Variants in DAB1 observed in about 807,000 individuals in gnomAD.
The protein encoded by DAB1 is DAB adaptor protein 1, also known as disabled homolog 1.
DAB1 carries 15 observed loss-of-function variants against 64.6 expected under a neutral mutation model. The observed-to-expected ratio is 0.23, with a 90% CI of 0.16 to 0.36. DAB1 has a LOEUF of 0.36. DAB1 is among the 10% of genes least tolerant of loss of function. The probability of loss-of-function intolerance (pLI) is 1.00; values close to 1 mark genes in which losing one functional copy is unlikely to be tolerated. For synonymous variants in DAB1, 235 were observed against 251.9 expected (o/e 0.93, Z 0.64); for missense variants, 596 against 706.7 (o/e 0.84, Z 1.78).
At chr1:57,295,499 C>T (rs796253353) in intron 1 of DAB1, among the ~76,000 whole-genome samples, 4 of 152,196 alleles carry the variant, frequency 2.6e-5, no homozygotes, top group African/African-American at 9.6e-5. Flanking sequence ...ATCAACAAGG[C>T]CCAAAGGTTT....
chr1:57,488,401 CAAAAAA>C (rs11455708), intron 7 of DAB1, among the ~76,000 whole-genome samples: 3 of 74,124 alleles, frequency 4.0e-5, no homozygotes, highest in African/African-American at 1.2e-4. Flanking sequence ...GATTCCGTCT[CAAAAAA>C]AAAAAAAAAA....
chr1:57,800,946 A>G (rs148585804), intron 6 of DAB1, among the ~76,000 whole-genome samples: 5 of 152,354 alleles, frequency 3.3e-5, no homozygotes, highest in African/African-American at 1.2e-4. Context: ...TTTACTGAGA[A>G]CTTATTCTAT....
chr1:58,176,167 G>A (rs1343348370), intron 4 of DAB1, among the ~76,000 whole-genome samples: 1 of 152,162 alleles, frequency 6.6e-6, no homozygotes, highest in Non-Finnish European at 1.5e-5. Flanking sequence ...ATATCCACAA[G>A]GTGGGTATGC....
At chr1:57,048,208 C>A (rs1432523037) in intron 9 of DAB1, among the ~76,000 whole-genome samples, 1 of 152,192 alleles carries the variant, frequency 6.6e-6, no homozygotes, top group Admixed American at 6.5e-5. Context: ...AGTCAGGCTG[C>A]AAAGCTCATA....
intron 3 of DAB1, among the ~76,000 whole-genome samples, chr1:58,397,312 A>G (rs910951516): frequency 6.6e-6 from 1 of 152,166 alleles, no homozygotes; most frequent in Admixed American, 6.5e-5. Context: ...TTCATGCAGA[A>G]ACGTTAATTT....
rs144179419 is a variant in DAB1 at position 57,647,274 on chromosome 1, G to A, written n.625+2318C>T. 3.5e-3 allele frequency among the ~76,000 whole-genome samples: 532 copies of A among 151,984 alleles called. 4 individuals carry two copies. The highest frequency in any genetic ancestry group is 0.012 in the African/African-American group (491 of 41,424). On this transcript the variant is annotated intron_variant and non_coding_transcript_variant, in intron 7 of 20. Transcript: ENST00000485760. ...AATAGATGAATAACCTTCAAACATC[G>A]CCTCCACTACCTTCAGCAATGCATG...
chr1:58,081,475 C>G (rs1052574774), intron 5 of DAB1, among the ~76,000 whole-genome samples: 1 of 152,206 alleles, frequency 6.6e-6, no homozygotes, highest in Non-Finnish European at 1.5e-5. Context: ...TTCTGCCCAC[C>G]CTTGTGGAGG....
At chr1:58,059,348 C>T (rs1241059701) in intron 5 of DAB1, among the ~76,000 whole-genome samples, 1 of 152,216 alleles carries the variant, frequency 6.6e-6, no homozygotes, top group Non-Finnish European at 1.5e-5. Flanking sequence ...AAAATGGCAA[C>T]ACAAATGACT....
intron 1 of DAB1, among the ~76,000 whole-genome samples, chr1:57,845,965 C>A (rs149409434): frequency 1.4e-3 from 211 of 152,180 alleles, no homozygotes; most frequent in Non-Finnish European, 2.6e-3. Flanking sequence ...GGCCCATGGG[C>A]CTTTGCAAGG....
intron 4 of DAB1, among the ~76,000 whole-genome samples, chr1:58,162,503 T>C (rs1046826743): frequency 2.0e-5 from 3 of 152,156 alleles, no homozygotes; most frequent in South Asian, 4.1e-4. Flanking sequence ...GCAAAGAGAC[T>C]AGAAGTTTCC....
At chr1:58,293,093 C>T (rs1661885143) in intron 4 of DAB1, among the ~76,000 whole-genome samples, 1 of 152,130 alleles carries the variant, frequency 6.6e-6, no homozygotes, top group Non-Finnish European at 1.5e-5. Flanking sequence ...TGCCACCTTA[C>T]AAGAAATGCT....
intron 7 of DAB1, among the ~76,000 whole-genome samples, chr1:57,572,673 T>A (rs533116854): frequency 6.6e-6 from 1 of 152,226 alleles, no homozygotes; most frequent in South Asian, 2.1e-4. Context: ...GTCATTCTTG[T>A]GTTGCTATAA....
chr1:58,384,203 C>A (rs1644413830), intron 3 of DAB1, among the ~76,000 whole-genome samples: 1 of 151,718 alleles, frequency 6.6e-6, no homozygotes, highest in Admixed American at 6.6e-5. Context: ...ATTATTCAGC[C>A]TTTAAAAAAA....
At chr1:58,048,857 T>C (rs1647425922) in intron 5 of DAB1, 5 of 990,168 alleles carry the variant, frequency 5.0e-6, no homozygotes, top group Non-Finnish European at 8.0e-6. Flanking sequence ...GCAAAGCCCC[T>C]TTTTCTTTGC....
intron 7 of DAB1, among the ~76,000 whole-genome samples, chr1:57,520,378 A>G (rs957448398): frequency 4.6e-5 from 7 of 152,216 alleles, no homozygotes; most frequent in Admixed American, 3.9e-4. Context: ...AAGAAATTAA[A>G]TTCCTTGACC....
chr1:57,724,442 G>T lies in DAB1; in HGVS notation n.552-74777C>A, dbSNP rs75262121. ...CCCTTAGTCACTGGGAAAATTGACA[G>T]ATGTAGCAGATTGCTTTGTCTTACC... On this transcript the variant is annotated intron_variant and non_coding_transcript_variant, in intron 6 of 20. Coordinates refer to the DAB1 transcript ENST00000485760. Among the ~76,000 whole-genome samples the T allele has an allele frequency of 3.7e-3, 570 of 152,262 alleles. 1 individual carries two copies. Among genetic ancestry groups the T allele is most frequent in the African/African-American group, 0.013 (544 of 41,552 alleles).
At chr1:57,547,053 A>G (rs6699216) in intron 7 of DAB1, among the ~76,000 whole-genome samples, 203 of 152,292 alleles carry the variant, frequency 1.3e-3, no homozygotes, top group African/African-American at 4.7e-3. Flanking sequence ...GATTTGGAGT[A>G]CAAAGCTAGG....
At chr1:57,700,773 C>T (rs918521766) in intron 6 of DAB1, among the ~76,000 whole-genome samples, 3 of 152,080 alleles carry the variant, frequency 2.0e-5, no homozygotes, top group Non-Finnish European at 4.4e-5. Context: ...TTTGAATATG[C>T]TTTCTATCCC....
chr1:57,037,148 G>A (rs1033023990), intron 9 of DAB1, among the ~76,000 whole-genome samples: 11 of 152,314 alleles, frequency 7.2e-5, no homozygotes, highest in African/African-American at 2.4e-4. Context: ...AGCTCCCCAC[G>A]CTATGCTAAT....
Sources: gnomAD v4.1 joint callset for allele counts (sites outside exome capture counted in the v4.1 genomes callset) on GRCh38, gnomAD v4.1.1 for gene constraint, MANE v1.5 for transcripts, NCBI Gene and HGNC (gene_info 2026-07-23, HGNC 2026-07-21) for gene names.